The following SLC35F1 variants were observed in gnomAD, a reference collection of about 807,000 sequenced individuals.
SLC35F1 encodes chromosome 6 open reading frame 169.
A neutral mutation model predicts 48.7 loss-of-function variants in SLC35F1; 14 were observed. That is an observed-to-expected ratio of 0.29 (90% confidence interval 0.19 to 0.45). SLC35F1 has a LOEUF of 0.45. Among genes scored for constraint, SLC35F1 ranks in the 20% least tolerant of loss-of-function variants. SLC35F1 has a pLI of 1.00. For missense variants in SLC35F1, 404 were observed against 500.0 expected, an observed-to-expected ratio of 0.81 and a Z score of 1.83; for synonymous variants, 190 against 202.2, an observed-to-expected ratio of 0.94 and a Z score of 0.51.
chr6:118,004,433 T>A (rs1777147170), intron 1 of SLC35F1, among the ~76,000 whole-genome samples: 1 of 152,236 alleles, frequency 6.6e-6, no homozygotes. Flanking sequence ...ACTTAAATCC[T>A]ATGTAAACAA....
intron 1 of SLC35F1, among the ~76,000 whole-genome samples, chr6:117,982,333 A>G (rs1045703836): frequency 6.6e-6 from 1 of 152,208 alleles, no homozygotes; most frequent in African/African-American, 2.4e-5. Context: ...TGCAGATGGT[A>G]TGAAAGGAGA....
In SLC35F1 at chr6:118,270,685, T is replaced by C. The variant is rs184118415; in HGVS notation, c.637+3531T>C. Among the ~76,000 whole-genome samples, 220 of 152,304 alleles carry C rather than the reference T, an allele frequency of 1.4e-3. 4 individuals are homozygous for C. The highest frequency in any genetic ancestry group is 0.013 in the Admixed American group (194 of 15,300). The stretch of plus-strand genomic sequence containing the variant: ...TCACCTTGGCTCCATGTCAGCAGTA[T>C]AGGCCTCCTCCAAAAGACCATCTCT... On this transcript the variant is annotated intron_variant, in intron 4 of 7. Coordinates refer to ENST00000360388, the MANE Select transcript of SLC35F1 (RefSeq NM_001029858.4).
chr6:118,033,052 C>T (rs1191416924), intron 1 of SLC35F1, among the ~76,000 whole-genome samples: 1 of 152,050 alleles, frequency 6.6e-6, no homozygotes, highest in Admixed American at 6.5e-5. Flanking sequence ...ATTATTTTGG[C>T]CACCATATTG....
At chr6:117,954,788 T>C (rs1776408606) in intron 1 of SLC35F1, among the ~76,000 whole-genome samples, 1 of 152,188 alleles carries the variant, frequency 6.6e-6, no homozygotes, top group African/African-American at 2.4e-5. Context: ...TGGTGCCTAA[T>C]CACAGGCTGT....
intron 2 of SLC35F1, among the ~76,000 whole-genome samples, chr6:118,229,639 T>C (rs2114575226): frequency 6.6e-6 from 1 of 152,360 alleles, no homozygotes; most frequent in South Asian, 2.1e-4. Flanking sequence ...GGTTTATGTA[T>C]GTGATCTTGT....
At chr6:117,944,224 T>C (rs1437078618) in intron 1 of SLC35F1, among the ~76,000 whole-genome samples, 2 of 152,202 alleles carry the variant, frequency 1.3e-5, no homozygotes, top group Non-Finnish European at 2.9e-5. Flanking sequence ...GTCCTGTTCT[T>C]GTGTCTGTTT....
intron 2 of SLC35F1, among the ~76,000 whole-genome samples, chr6:118,232,678 G>A (rs1775308560): frequency 6.6e-6 from 1 of 151,760 alleles, no homozygotes; most frequent in African/African-American, 2.4e-5. Context: ...TTTGGAGACA[G>A]AAGGAAGAAT....
At chr6:118,104,002 T>G (rs556544177) in intron 1 of SLC35F1, among the ~76,000 whole-genome samples, 1 of 152,302 alleles carries the variant, frequency 6.6e-6, no homozygotes, top group Admixed American at 6.5e-5. Flanking sequence ...TCATATTCCT[T>G]CACAAGAATA....
At chr6:118,243,864 A>C (rs1040187015) in intron 3 of SLC35F1, among the ~76,000 whole-genome samples, 1 of 152,198 alleles carries the variant, frequency 6.6e-6, no homozygotes, top group African/African-American at 2.4e-5. Flanking sequence ...ATGCAGGACT[A>C]TGGAAGTTTA....
intron 1 of SLC35F1, among the ~76,000 whole-genome samples, chr6:117,980,671 G>A (rs1036750452): frequency 6.6e-6 from 1 of 152,172 alleles, no homozygotes; most frequent in Admixed American, 6.5e-5. Context: ...CATGAAATAA[G>A]TAATCAGAGT....
intron 7 of SLC35F1, among the ~76,000 whole-genome samples, chr6:118,305,693 G>A (rs1262263507): frequency 6.6e-6 from 1 of 152,044 alleles, no homozygotes; most frequent in Non-Finnish European, 1.5e-5. Flanking sequence ...ATTATATAAT[G>A]TTATCTTGTG....
chr6:118,172,080 C>T (rs537632106), intron 2 of SLC35F1, among the ~76,000 whole-genome samples: 8 of 151,994 alleles, frequency 5.3e-5, no homozygotes, highest in South Asian at 2.1e-4. Flanking sequence ...ACATAAATGA[C>T]GTCAGTAATA....
chr6:118,025,049 G>A (rs1777445259), intron 1 of SLC35F1, among the ~76,000 whole-genome samples: 1 of 152,124 alleles, frequency 6.6e-6, no homozygotes, highest in African/African-American at 2.4e-5. Flanking sequence ...TCCTACATGA[G>A]TACAATTAAT....
At chr6:118,242,713 A>G (rs138720769) in intron 3 of SLC35F1, among the ~76,000 whole-genome samples, 6 of 152,336 alleles carry the variant, frequency 3.9e-5, no homozygotes, top group Admixed American at 2.6e-4. Flanking sequence ...TTATCCAAAG[A>G]TTATTCATCT....
At chr6:118,031,525 C>G (rs1772049082) in intron 1 of SLC35F1, among the ~76,000 whole-genome samples, 1 of 152,100 alleles carries the variant, frequency 6.6e-6, no homozygotes, top group African/African-American at 2.4e-5. Context: ...ACTCTAAAAT[C>G]CTAGTGATGC....
chr6:118,283,510 A>G (rs1416346760), intron 6 of SLC35F1, among the ~76,000 whole-genome samples: 2 of 152,176 alleles, frequency 1.3e-5, no homozygotes, highest in South Asian at 2.1e-4. Flanking sequence ...TCCACGCAAA[A>G]TGATGGAAGG....
At chr6:118,290,559 A>T (rs994811277) in intron 7 of SLC35F1, among the ~76,000 whole-genome samples, 3 of 149,156 alleles carry the variant, frequency 2.0e-5, no homozygotes, top group Non-Finnish European at 3.0e-5. Context: ...TCCAAAAATT[A>T]AAAAAAAAAT....
chr6:118,079,389 T>C (rs1444522482), intron 1 of SLC35F1, among the ~76,000 whole-genome samples: 3 of 152,218 alleles, frequency 2.0e-5, no homozygotes, highest in African/African-American at 7.2e-5. Flanking sequence ...ATTGTATGTA[T>C]TTTATTTGTT....
At chr6:118,151,691 A>AT (rs1273621526) in intron 1 of SLC35F1, among the ~76,000 whole-genome samples, 2 of 151,834 alleles carry the variant, frequency 1.3e-5, no homozygotes, top group African/African-American at 4.8e-5. Flanking sequence ...AATTTTTTTA[A>AT]TTTTTTGTAG....
Sources: gnomAD v4.1 joint callset for allele counts (sites outside exome capture counted in the v4.1 genomes callset) on GRCh38, gnomAD v4.1.1 for gene constraint, MANE v1.5 for transcripts, NCBI Gene and HGNC (gene_info 2026-07-23, HGNC 2026-07-21) for gene names.